LPP: variants seen among roughly 807,000 people sequenced by gnomAD.
The protein encoded by LPP is LIM domain containing preferred translocation partner in lipoma, also known as lipoma-preferred partner.
LPP carries 38 observed loss-of-function variants against 60.4 expected under a neutral mutation model. The ratio of observed to expected loss-of-function variants is 0.63; its 90% CI spans 0.49 to 0.83. The LOEUF (loss-of-function observed/expected upper bound fraction) is 0.83. LPP is among the 40% of genes least tolerant of loss of function. The pLI, the probability that LPP is intolerant of heterozygous loss-of-function variation, is 0.00. For missense variants in LPP, 902 were observed against 783.6 expected, an observed-to-expected ratio of 1.15 and a Z score of -1.80; for synonymous variants, 328 against 290.8, an observed-to-expected ratio of 1.13 and a Z score of -1.30.
intron 1 of LPP, among the ~76,000 whole-genome samples, chr3:188,171,981 G>T (rs1015562363): frequency 6.6e-6 from 1 of 152,242 alleles, no homozygotes; most frequent in Admixed American, 6.5e-5. Flanking sequence ...ACTCTTCAAG[G>T]ATGATATGCC....
At chr3:188,445,416 A>C (rs1484483846) in intron 4 of LPP, among the ~76,000 whole-genome samples, 1 of 152,108 alleles carries the variant, frequency 6.6e-6, no homozygotes, top group Non-Finnish European at 1.5e-5. Context: ...GTATGTTCTC[A>C]CTCATAATTG....
intron 3 of LPP, among the ~76,000 whole-genome samples, chr3:188,374,291 C>T (rs1774258823): frequency 6.6e-6 from 1 of 152,068 alleles, no homozygotes. Context: ...CTATAAATTA[C>T]CTTTGGCAGT....
chr3:188,171,046 G>A (rs1352709340), intron 1 of LPP, among the ~76,000 whole-genome samples: 1 of 114,006 alleles, frequency 8.8e-6, no homozygotes, highest in Non-Finnish European at 1.8e-5. Context: ...GGCAAACCTG[G>A]GTTGTATTTC....
At chr3:188,741,317 G>T (rs188204513) in intron 8 of LPP, among the ~76,000 whole-genome samples, 4 of 151,990 alleles carry the variant, frequency 2.6e-5, no homozygotes, top group East Asian at 3.9e-4. Context: ...CTGGTACTCC[G>T]CTATCTTGGT....
chr3:188,312,630 A>G (rs1181505858), intron 2 of LPP, among the ~76,000 whole-genome samples: 1 of 152,146 alleles, frequency 6.6e-6, no homozygotes, highest in African/African-American at 2.4e-5. Flanking sequence ...ATTTTGGTAA[A>G]AAATGTGAGG....
intron 6 of LPP, among the ~76,000 whole-genome samples, chr3:188,581,807 T>C (rs2150989852): frequency 6.6e-6 from 1 of 152,306 alleles, no homozygotes; most frequent in Non-Finnish European, 1.5e-5. Flanking sequence ...TTCAGGTAAC[T>C]CCTATTCTAC....
At chr3:188,169,963 C>T (rs1010660599) in intron 1 of LPP, among the ~76,000 whole-genome samples, 1 of 152,108 alleles carries the variant, frequency 6.6e-6, no homozygotes, top group Non-Finnish European at 1.5e-5. Context: ...CATGGAGGAG[C>T]GCTGGGTCTA....
chr3:188,600,356 CA>C (rs1298507837), intron 6 of LPP, among the ~76,000 whole-genome samples: 1 of 150,336 alleles, frequency 6.7e-6, no homozygotes, highest in East Asian at 1.9e-4. Context: ...ATAGAATAGC[CA>C]AAAATAACCC....
chr3:188,365,954 T>C (rs1451788791), intron 3 of LPP, among the ~76,000 whole-genome samples: 1 of 152,194 alleles, frequency 6.6e-6, no homozygotes, highest in Non-Finnish European at 1.5e-5. Context: ...TACAATACAG[T>C]ATTAACTACA....
rs1295121465 is a variant in LPP at position 188,887,312 on chromosome 3, CCTT to C, written c.*12839_*12841del. On this transcript the variant is annotated 3_prime_UTR_variant, in exon 12 of 12. Transcript: ENST00000617246. ...AAGTATAAAAGGGAAAAAGTCAGTT[CCTT>C]CTTCTCTCTCTTTCTCTTTGGGTGA... 9.2e-6 allele frequency: 2 copies of C among 217,460 alleles called. No individual in the cohort carries two copies. Among genetic ancestry groups the C allele is most frequent in the African/African-American group, 2.2e-5 (1 of 44,446 alleles). The allele number at this position is 217,460 out of a possible 1,614,324, so 13.5% of individuals were successfully genotyped here. A position where few individuals can be genotyped will look rare whatever the true frequency, so the allele number is the denominator to read the frequency against.
intron 6 of LPP, chr3:188,568,527 A>G (rs916270232): frequency 3.9e-5 from 6 of 151,952 alleles, no homozygotes; most frequent in African/African-American, 1.4e-4. Context: ...CAAAATGTGT[A>G]TCGACAGACA....
intron 1 of LPP, among the ~76,000 whole-genome samples, chr3:188,203,678 G>A (rs1383643668): frequency 1.4e-5 from 2 of 141,730 alleles, no homozygotes; most frequent in Non-Finnish European, 3.0e-5. Context: ...AGAAGATCTC[G>A]CTATGTTGCC....
rs147482649 is a variant in LPP, at chr3:188,696,222, A to ACTCTCTCTCTCTCT, written c.1114-12038_1114-12025dup. On this transcript the variant is annotated intron_variant, in intron 7 of 11. Coordinates refer to ENST00000617246, the MANE Select transcript of LPP (RefSeq NM_001375462.1). ...AATTCAAGCTCTTTAAGCACACAGTACTCTCTCTCTCTCTCTCTCTGTCTC... is the reference window on the plus strand; with the variant it reads ...AATTCAAGCTCTTTAAGCACACAGTACTCTCTCTCTCTCTCTCTCTCTCTCTCTCTCTCTGTCTC... Among the ~76,000 whole-genome samples, 77 of 148,912 alleles carry ACTCTCTCTCTCTCT rather than the reference A, an allele frequency of 5.2e-4. 1 individual carries two copies. Among genetic ancestry groups the ACTCTCTCTCTCTCT allele is most frequent in the Non-Finnish European group, 8.6e-4 (58 of 67,096 alleles).
At chr3:188,651,071 C>G (rs1403939985) in intron 7 of LPP, among the ~76,000 whole-genome samples, 2 of 152,304 alleles carry the variant, frequency 1.3e-5, no homozygotes, top group East Asian at 1.9e-4. Flanking sequence ...TTTTGAAACA[C>G]TCAGTCAATG....
intron 4 of LPP, among the ~76,000 whole-genome samples, chr3:188,455,296 A>G (rs1247316910): frequency 6.6e-6 from 1 of 152,206 alleles, no homozygotes; most frequent in East Asian, 1.9e-4. Context: ...AAAAAAGAGA[A>G]GGTACTGACC....
intron 5 of LPP, among the ~76,000 whole-genome samples, chr3:188,514,082 G>C (rs1816614912): frequency 6.6e-6 from 1 of 152,112 alleles, no homozygotes; most frequent in Non-Finnish European, 1.5e-5. Context: ...GCTTCAGTAG[G>C]GCTGATTGTG....
At chr3:188,573,896 G>A (rs1479524400) in intron 6 of LPP, among the ~76,000 whole-genome samples, 1 of 152,134 alleles carries the variant, frequency 6.6e-6, no homozygotes, top group Admixed American at 6.6e-5. Flanking sequence ...TAAATGATAT[G>A]ACAATATTTA....
chr3:188,792,611 T>A (rs2151037329), intron 9 of LPP, among the ~76,000 whole-genome samples: 1 of 152,324 alleles, frequency 6.6e-6, no homozygotes, highest in African/African-American at 2.4e-5. Context: ...TTTTTGTTTT[T>A]TTGGTTTTTT....
At chr3:188,371,688 C>T (rs1282624973) in intron 3 of LPP, among the ~76,000 whole-genome samples, 1 of 96,880 alleles carries the variant, frequency 1.0e-5, no homozygotes, top group Non-Finnish European at 1.8e-5. Flanking sequence ...GAGACTTGCT[C>T]TTGTCGCCCA....
Sources: gnomAD v4.1 joint callset for allele counts (sites outside exome capture counted in the v4.1 genomes callset) on GRCh38, gnomAD v4.1.1 for gene constraint, MANE v1.5 for transcripts, NCBI Gene and HGNC (gene_info 2026-07-23, HGNC 2026-07-21) for gene names.